Variants in USP13 observed in about 807,000 individuals in gnomAD.
USP13 encodes ubiquitin specific peptidase 13.
Under a neutral mutation model 107.8 loss-of-function variants are expected in USP13, and 68 were observed. That is an observed-to-expected ratio of 0.63 (90% CI 0.52 to 0.77). USP13 has a LOEUF of 0.77. USP13 is among the 30% of genes least tolerant of loss of function. USP13 has a pLI of 0.00. For synonymous variants in USP13, 377 were observed against 389.5 expected, an observed-to-expected ratio of 0.97 and a Z score of 0.38; for missense variants, 945 against 1,093.3, an observed-to-expected ratio of 0.86 and a Z score of 1.91.
At position 179,730,687 on chromosome 3, in the gene USP13, A is replaced by C. The variant is rs774312649; in HGVS notation, c.1232A>C (p.Gln411Pro). 45 of 1,614,010 alleles carry C rather than the reference A, an allele frequency of 2.8e-5. No individual in the cohort carries two copies. The South Asian group carries it at 4.1e-4, about 15-fold the overall frequency. The change falls in exon 10 of 21, where the codon CAG becomes CCG. Residue 411 changes from glutamine (Q) to proline (P), a missense_variant. Physicochemically the swap from Gln to Pro is moderately conservative, Grantham distance 76. Transcript: ENST00000263966. ...KPPVKSELIE[Q>P]VMKEEHKPQQ... ...CCGGTGAAATCTGAACTCATTGAAC[A>C]GGTGATGAAGGAGGAGCACAAGGTA...
rs1713311708 is a variant in USP13 at position 179,721,417 on chromosome 3, CAGG to C, written c.918_920del (p.Gln306_Asp307delinsHis). The C allele has an allele frequency of 6.2e-7, 1 of 1,613,812 alleles. No homozygotes were observed. The highest frequency in any genetic ancestry group is 8.5e-7 in the Non-Finnish European group (1 of 1,179,870). On this transcript the variant is annotated inframe_deletion, in exon 8 of 21. Coordinates refer to ENST00000263966, the MANE Select transcript of USP13 (RefSeq NM_003940.3). This position sits in a 1 kb window ranked among gnomAD's most constrained non-coding sequence, Gnocchi z 4.3. The stretch of plus-strand genomic sequence containing the variant: ...TTTGTCTCAGACAGAGAATGGGCTC[CAGG>C]ACAATGACATCAAGCTGAGGGTCAG...
chr3:179,745,035 T>C lies in USP13; in HGVS notation c.1535-8T>C. On this transcript the variant is annotated splice_region_variant and splice_polypyrimidine_tract_variant and intron_variant, in intron 12 of 20. Transcript: ENST00000263966. ...ATTGCAAGGTCTTTGATTTGCTCTT[T>C]CACCCAGATGAACTGATCGCTTATG... is the stretch of plus-strand genomic sequence containing the variant. 6.2e-7 allele frequency: 1 copy of C among 1,614,090 alleles called. No homozygotes were observed. Among genetic ancestry groups the C allele is most frequent in the Non-Finnish European group, 8.5e-7 (1 of 1,179,982 alleles).
chr3:179,664,216 G>T (rs1720526266), intron 1 of USP13, among the ~76,000 whole-genome samples: 1 of 151,710 alleles, frequency 6.6e-6, no homozygotes, highest in Non-Finnish European at 1.5e-5. Flanking sequence ...TGCCTCCTGG[G>T]TTCAAGCTGG....
chr3:179,655,151 T>A (rs1400632497), intron 1 of USP13, among the ~76,000 whole-genome samples: 1 of 152,118 alleles, frequency 6.6e-6, no homozygotes, highest in Non-Finnish European at 1.5e-5. Flanking sequence ...GTGGCCTAAG[T>A]TTTTTAGGAT....
chr3:179,701,222 G>T lies in USP13; in HGVS notation c.477+93G>T, dbSNP rs1712509966. Reference sequence around the variant, plus strand: ...ATGTGTGTGTGCGGGGGTGGGGTGGGGTGGGAAAAGCCGGTTGAATGAGAG... The same window carrying T: ...ATGTGTGTGTGCGGGGGTGGGGTGGTGTGGGAAAAGCCGGTTGAATGAGAG... On this transcript the variant is annotated intron_variant, in intron 4 of 20. Coordinates refer to ENST00000263966, the MANE Select transcript of USP13 (RefSeq NM_003940.3). The T allele has an allele frequency of 8.5e-6, 4 of 470,526 alleles. 1 individual carries two copies. The highest frequency in any genetic ancestry group is 8.3e-5 in the South Asian group (4 of 48,028). The allele number at this position is 470,526 out of a possible 1,614,324, so 29.1% of individuals were successfully genotyped here.
chr3:179,654,213 C>CCAAAAA (rs531481502), intron 1 of USP13, among the ~76,000 whole-genome samples: 1 of 105,512 alleles, frequency 9.5e-6, no homozygotes, highest in Non-Finnish European at 1.8e-5. Flanking sequence ...GACTCCGTCT[C>CCAAAAA]AAAAAAAAAA....
At chr3:179,754,961 G>A (rs1714738443) in intron 15 of USP13, 107 bp downstream of exon 15, 8 of 1,424,086 alleles carry the variant, frequency 5.6e-6, no homozygotes, top group Middle Eastern at 1.8e-4. Context: ...ACCCATTGGT[G>A]GTCTAGCTGC....
chr3:179,712,874 A>T (rs1048698323), intron 6 of USP13, among the ~76,000 whole-genome samples: 11 of 148,834 alleles, frequency 7.4e-5, no homozygotes, highest in Admixed American at 6.7e-4. Context: ...ATTAAGACTT[A>T]AAAAAAAAAC....
At chr3:179,694,254 T>TGTGAGC (rs1391497983) in intron 3 of USP13, among the ~76,000 whole-genome samples, 1 of 152,120 alleles carries the variant, frequency 6.6e-6, no homozygotes, top group Admixed American at 6.6e-5. Context: ...GGATTACAGA[T>TGTGAGC]GTGAGCCACT....
chr3:179,674,791 T>A (rs1178603581), intron 1 of USP13, among the ~76,000 whole-genome samples: 1 of 152,176 alleles, frequency 6.6e-6, no homozygotes. Flanking sequence ...TTTTGCTGGT[T>A]TATGAGGCAT....
intron 6 of USP13, among the ~76,000 whole-genome samples, chr3:179,718,990 C>T (rs1251235955): frequency 6.6e-6 from 1 of 152,066 alleles, no homozygotes; most frequent in East Asian, 1.9e-4. Flanking sequence ...CTCCTGGTCT[C>T]GTGATCCGCC....
chr3:179,780,342 G>A (rs572312502), intron 19 of USP13, among the ~76,000 whole-genome samples: 10 of 152,256 alleles, frequency 6.6e-5, no homozygotes, highest in Admixed American at 4.6e-4. Flanking sequence ...CAGAGGAATC[G>A]ACTAAAAAAT....
intron 10 of USP13, among the ~76,000 whole-genome samples, chr3:179,732,613 A>G (rs1713844735): frequency 6.6e-6 from 1 of 152,144 alleles, no homozygotes; most frequent in African/African-American, 2.4e-5. Flanking sequence ...AAATAAAATC[A>G]TGGACCTTGC....
intron 16 of USP13, among the ~76,000 whole-genome samples, chr3:179,760,272 G>A (rs896209834): frequency 3.6e-4 from 53 of 148,780 alleles, no homozygotes; most frequent in Non-Finnish European, 6.2e-4. Context: ...TTGTAAAGCC[G>A]TCTCTTAATG....
At chr3:179,682,095 A>G in intron 2 of USP13, 92 bp downstream of exon 2, 1 of 1,473,864 alleles carries the variant, frequency 6.8e-7, no homozygotes, top group South Asian at 1.4e-5. Context: ...GACCATGCCC[A>G]CATAACTTCC....
rs1459172800 is a variant in USP13, at chr3:179,678,964, A to C, written c.169-2914A>C. Among the ~76,000 whole-genome samples the C allele has an allele frequency of 3.3e-5, 5 of 152,002 alleles. No homozygotes were observed. The highest frequency in any genetic ancestry group is 3.3e-4 in the Admixed American group (5 of 15,260). ...AGACCACTTTACTTCTTTCTTTGTGATCTTTATACCTTTTATTTATTTATT... is the reference window on the plus strand; with the variant it reads ...AGACCACTTTACTTCTTTCTTTGTGCTCTTTATACCTTTTATTTATTTATT... On this transcript the variant is annotated intron_variant, in intron 1 of 20. Transcript: ENST00000263966. The surrounding 1 kb of genome is among the most constrained non-coding windows in gnomAD (Gnocchi z 4.2).
At chr3:179,766,840 C>T (rs2108540764) in intron 19 of USP13, among the ~76,000 whole-genome samples, 1 of 152,286 alleles carries the variant, frequency 6.6e-6, no homozygotes, top group South Asian at 2.1e-4. Flanking sequence ...CTTGGGCTGT[C>T]ATTGCCTGTA....
intron 19 of USP13, among the ~76,000 whole-genome samples, chr3:179,776,863 T>TTC (rs1282948523): frequency 6.8e-6 from 1 of 146,334 alleles, no homozygotes; most frequent in Admixed American, 6.8e-5. Flanking sequence ...TGCTGGTTTT[T>TTC]TTTTTTTTTT....
chr3:179,782,711 GTCT>G, intron 20 of USP13, among the ~76,000 whole-genome samples: 1 of 152,176 alleles, frequency 6.6e-6, no homozygotes, highest in East Asian at 1.9e-4. Context: ...TTTTAGTTTT[GTCT>G]TCTTAACTTG....
Sources: allele counts gnomAD v4.1 joint callset (sites outside exome capture counted in the v4.1 genomes callset), GRCh38; gene constraint gnomAD v4.1.1; non-coding constraint Gnocchi (gnomAD v3.1); transcripts MANE v1.5; gene names NCBI Gene and HGNC (gene_info 2026-07-23, HGNC 2026-07-21).